GPR158: variants seen among roughly 807,000 people sequenced by gnomAD.
GPR158 encodes metabotropic glycine receptor.
Under a neutral mutation model 78.2 loss-of-function variants are expected in GPR158, and 30 were observed. That is an observed-to-expected ratio of 0.38 (90% confidence interval 0.29 to 0.52). The LOEUF (loss-of-function observed/expected upper bound fraction) is 0.52. Among genes scored for constraint, GPR158 ranks in the 20% least tolerant of loss-of-function variants. The pLI is 0.83. For missense variants in GPR158, 1,463 were observed against 1,523.5 expected (o/e 0.96, Z 0.66); for synonymous variants, 581 against 591.1 (o/e 0.98, Z 0.25).
At chr10:25,430,398 G>T (rs912976726) in intron 4 of GPR158, among the ~76,000 whole-genome samples, 11 of 150,622 alleles carry the variant, frequency 7.3e-5, no homozygotes, top group Non-Finnish European at 1.6e-4. Flanking sequence ...CATGCTCATG[G>T]GTAGGAAGAA....
chr10:25,233,897 C>A (rs1029220245), intron 2 of GPR158, among the ~76,000 whole-genome samples: 12 of 152,008 alleles, frequency 7.9e-5, no homozygotes, highest in African/African-American at 2.9e-4. Context: ...AAAACAATGA[C>A]CCTCTTCTTG....
chr10:25,348,005 G>A lies in GPR158; in HGVS notation c.1009-47906G>A, dbSNP rs1588814494. 3.3e-5 allele frequency among the ~76,000 whole-genome samples: 5 copies of A among 151,930 alleles called. No individual in the cohort carries two copies. In the South Asian group the frequency reaches 8.3e-4, roughly 25 times the overall value. On this transcript the variant is annotated intron_variant, in intron 2 of 10. Coordinates refer to ENST00000376351, the MANE Select transcript of GPR158 (RefSeq NM_020752.3). ...AAGTCTTTGCGGCAAATGTCTGTTG[G>A]AAGACCTTGGTTCCTACTGTAGCAT...
chr10:25,526,929 T>C (rs560926712), intron 5 of GPR158, among the ~76,000 whole-genome samples: 20 of 152,210 alleles, frequency 1.3e-4, no homozygotes, highest in Middle Eastern at 3.4e-3. Flanking sequence ...GTACAATGTA[T>C]AGATAAGATA....
rs112959211 is a variant in GPR158, at chr10:25,500,672, C to A, written c.1404+33953C>A. Among the ~76,000 whole-genome samples, 1,045 of 152,272 alleles carry A rather than the reference C, an allele frequency of 6.9e-3. 15 individuals carry two copies. Among genetic ancestry groups the A allele is most frequent in the African/African-American group, 0.024 (979 of 41,536 alleles). On this transcript the variant is annotated intron_variant, in intron 5 of 10. Transcript: ENST00000376351. ...ATTTTTCTCTGTTTTCTTTGCTGACCTGTGGAACTGGCTGGGCTTAACATT... is the reference window on the plus strand; with the variant it reads ...ATTTTTCTCTGTTTTCTTTGCTGACATGTGGAACTGGCTGGGCTTAACATT...
intron 2 of GPR158, among the ~76,000 whole-genome samples, chr10:25,387,787 T>G (rs1185344599): frequency 6.6e-6 from 1 of 152,200 alleles, no homozygotes; most frequent in Non-Finnish European, 1.5e-5. Context: ...GTGCTGTGAT[T>G]ACAGGTGTGA....
intron 2 of GPR158, among the ~76,000 whole-genome samples, chr10:25,300,503 T>G (rs1298027969): frequency 6.6e-6 from 1 of 152,120 alleles, no homozygotes; most frequent in Non-Finnish European, 1.5e-5. Context: ...AAGTAACATT[T>G]ACAGATTCTG....
chr10:25,362,316 G>A (rs143663409), intron 2 of GPR158, among the ~76,000 whole-genome samples: 1 of 151,948 alleles, frequency 6.6e-6, no homozygotes, highest in African/African-American at 2.4e-5. Context: ...TGGCTTACAT[G>A]TCTGTCTTTA....
intron 2 of GPR158, among the ~76,000 whole-genome samples, chr10:25,324,368 A>G (rs1690334607): frequency 6.6e-6 from 1 of 152,202 alleles, no homozygotes; most frequent in Non-Finnish European, 1.5e-5. Context: ...GTTGTGTGTC[A>G]GGGAATAGAG....
At chr10:25,385,948 A>G (rs1834216813) in intron 2 of GPR158, among the ~76,000 whole-genome samples, 1 of 152,112 alleles carries the variant, frequency 6.6e-6, no homozygotes, top group Non-Finnish European at 1.5e-5. Flanking sequence ...TTTGATGCAA[A>G]TAAGTTTTTA....
At chr10:25,349,687 C>T (rs969369873) in intron 2 of GPR158, among the ~76,000 whole-genome samples, 4 of 146,936 alleles carry the variant, frequency 2.7e-5, no homozygotes, top group Non-Finnish European at 4.4e-5. Flanking sequence ...TGTGGAACTA[C>T]GAGTCAGTTA....
chr10:25,255,924 T>C (rs1853883554), intron 2 of GPR158, among the ~76,000 whole-genome samples: 1 of 152,210 alleles, frequency 6.6e-6, no homozygotes. Flanking sequence ...GAGGGGATGA[T>C]AAATGGTGTG....
intron 2 of GPR158, among the ~76,000 whole-genome samples, chr10:25,338,718 C>T (rs905682618): frequency 5.3e-5 from 8 of 149,754 alleles, no homozygotes; most frequent in African/African-American, 1.9e-4. Flanking sequence ...AAACTTTGTT[C>T]TTTCTTCAAA....
In GPR158 at chr10:25,466,674, C is replaced by A. The variant is rs1270119545; in HGVS notation, c.1359C>A (p.Ile453=). The A allele has an allele frequency of 1.2e-6, 2 of 1,606,866 alleles. No individual in the cohort carries two copies. The highest frequency in any genetic ancestry group is 2.7e-5 in the African/African-American group (2 of 74,516). Residue 453 remains isoleucine, a synonymous_variant, in exon 5 of 11, where the codon ATC becomes ATA. Transcript: ENST00000376351. ...AGAGCATCCGGGCATCGGGCCTTAT[C>A]CTGTTGGAAACGATCCTTTTTGGAT... ...KAKSIRASGL[I]LLETILFGSL...
At chr10:25,247,613 A>G (rs1366978751) in intron 2 of GPR158, among the ~76,000 whole-genome samples, 2 of 138,946 alleles carry the variant, frequency 1.4e-5, no homozygotes, top group East Asian at 4.4e-4. Context: ...ATGATTTCCA[A>G]TTTCATCCAT....
intron 7 of GPR158, among the ~76,000 whole-genome samples, chr10:25,574,776 T>C (rs1837065226): frequency 6.6e-6 from 1 of 152,050 alleles, no homozygotes; most frequent in Non-Finnish European, 1.5e-5. Context: ...TCCCAGCTAC[T>C]TGGGAGGCTG....
chr10:25,491,720 A>G (rs1370589393), intron 5 of GPR158, among the ~76,000 whole-genome samples: 6 of 152,108 alleles, frequency 3.9e-5, no homozygotes, highest in African/African-American at 1.2e-4. Context: ...CCATAGTTCT[A>G]TTTCTTATAA....
At chr10:25,489,010 T>A (rs1396966935) in intron 5 of GPR158, among the ~76,000 whole-genome samples, 1 of 152,152 alleles carries the variant, frequency 6.6e-6, no homozygotes, top group Non-Finnish European at 1.5e-5. Context: ...AGGAAGATAA[T>A]ATTTATACAA....
chr10:25,270,457 A>G (rs1472614549), intron 2 of GPR158, among the ~76,000 whole-genome samples: 1 of 152,148 alleles, frequency 6.6e-6, no homozygotes, highest in Non-Finnish European at 1.5e-5. Context: ...TAAGAGAAGG[A>G]GGAGATATAA....
chr10:25,595,451 G>A (rs36069235), intron 9 of GPR158, among the ~76,000 whole-genome samples: 45,118 of 151,728 alleles, frequency 0.3, 9,153 homozygotes, highest in African/African-American at 0.58. Context: ...CTTGTAGAAG[G>A]ATGTTCATAG....
Sources: allele counts gnomAD v4.1 joint callset (sites outside exome capture counted in the v4.1 genomes callset), GRCh38; gene constraint gnomAD v4.1.1; transcripts MANE v1.5; gene names NCBI Gene and HGNC (gene_info 2026-07-23, HGNC 2026-07-21).